COX7B2: variants seen among roughly 807,000 people sequenced by gnomAD.
The protein encoded by COX7B2 is cytochrome c oxidase subunit 7B2, also known as cytochrome c oxidase subunit 7B2, mitochondrial.
For synonymous variants in COX7B2, 37 were observed against 32.1 expected, an observed-to-expected ratio of 1.15 and a Z score of -0.51; for missense variants, 109 against 95.9, an observed-to-expected ratio of 1.14 and a Z score of -0.57.
chr4:46,869,384 T>A (rs1717856771), intron 1 of COX7B2, among the ~76,000 whole-genome samples: 1 of 152,182 alleles, frequency 6.6e-6, no homozygotes, highest in Admixed American at 6.5e-5. Flanking sequence ...AGGTTAGTAT[T>A]GATATGTGTG....
At chr4:46,831,305 A>G (rs1715076506) in intron 2 of COX7B2, among the ~76,000 whole-genome samples, 1 of 152,076 alleles carries the variant, frequency 6.6e-6, no homozygotes, top group Non-Finnish European at 1.5e-5. Context: ...GCAGCCTGCC[A>G]TGCCTGAGTG....
chr4:46,817,740 CAGG>C (rs1719629791), intron 2 of COX7B2, among the ~76,000 whole-genome samples: 1 of 152,016 alleles, frequency 6.6e-6, no homozygotes, highest in African/African-American at 2.4e-5. Flanking sequence ...TAAAGAAAGC[CAGG>C]AGGTGAGGAT....
At chr4:46,858,177 T>A (rs2109793823) in intron 1 of COX7B2, among the ~76,000 whole-genome samples, 1 of 152,264 alleles carries the variant, frequency 6.6e-6, no homozygotes, top group East Asian at 1.9e-4. Context: ...TACTGCAATC[T>A]CCACCTCCCA....
At chr4:46,881,822 A>C (rs891522883) in intron 1 of COX7B2, among the ~76,000 whole-genome samples, 1 of 151,962 alleles carries the variant, frequency 6.6e-6, no homozygotes, top group African/African-American at 2.4e-5. Context: ...TTCCTTTCAC[A>C]GTTGTCTTCT....
At chr4:46,902,713 C>G (rs1720143284) in intron 1 of COX7B2, among the ~76,000 whole-genome samples, 1 of 152,098 alleles carries the variant, frequency 6.6e-6, no homozygotes, top group Admixed American at 6.6e-5. Context: ...CTCGTCTCTA[C>G]TAAAAATACA....
intron 1 of COX7B2, among the ~76,000 whole-genome samples, chr4:46,901,297 C>G (rs1353595575): frequency 6.6e-6 from 1 of 152,182 alleles, no homozygotes; most frequent in African/African-American, 2.4e-5. Flanking sequence ...TTGATTCCCA[C>G]CTCAGCTATG....
intron 1 of COX7B2, among the ~76,000 whole-genome samples, chr4:46,846,408 GT>G (rs560043280): frequency 6.6e-5 from 10 of 151,918 alleles, no homozygotes; most frequent in Non-Finnish European, 1.3e-4. Flanking sequence ...AGGGAGAGCA[GT>G]ATAAAGGACA....
chr4:46,738,871 A>G (rs564938293), intron 2 of COX7B2, among the ~76,000 whole-genome samples: 1 of 152,216 alleles, frequency 6.6e-6, no homozygotes, highest in South Asian at 2.1e-4. Flanking sequence ...TATGTTCTGA[A>G]TAAATATAAA....
chr4:46,754,149 G>A (rs534501518), intron 2 of COX7B2, among the ~76,000 whole-genome samples: 229 of 152,218 alleles, frequency 1.5e-3, no homozygotes, highest in Middle Eastern at 3.4e-3. Flanking sequence ...GTGGAAGTCA[G>A]TGTGGCGATT....
At chr4:46,771,157 G>T (rs1716854201) in intron 2 of COX7B2, among the ~76,000 whole-genome samples, 1 of 152,166 alleles carries the variant, frequency 6.6e-6, no homozygotes, top group Non-Finnish European at 1.5e-5. Flanking sequence ...AAAAGGATCT[G>T]AAAAGACATT....
At chr4:46,867,473 C>T (rs1255745254) in intron 1 of COX7B2, among the ~76,000 whole-genome samples, 1 of 152,216 alleles carries the variant, frequency 6.6e-6, no homozygotes, top group Non-Finnish European at 1.5e-5. Flanking sequence ...AGCATCACGA[C>T]AGTTTACAAG....
At chr4:46,807,327 T>C (rs1050501225) in intron 2 of COX7B2, among the ~76,000 whole-genome samples, 1 of 151,996 alleles carries the variant, frequency 6.6e-6, no homozygotes, top group Admixed American at 6.5e-5. Context: ...AAGTGTCTAT[T>C]CATGTCTTCT....
At chr4:46,833,445 T>G (rs932888469) in intron 2 of COX7B2, among the ~76,000 whole-genome samples, 1 of 152,168 alleles carries the variant, frequency 6.6e-6, no homozygotes, top group African/African-American at 2.4e-5. Context: ...GCAGAACTCA[T>G]AGGAAATATG....
chr4:46,755,081 G>A (rs28773798), intron 2 of COX7B2, among the ~76,000 whole-genome samples: 52,863 of 151,152 alleles, frequency 0.35, 9,422 homozygotes, highest in South Asian at 0.47. Context: ...ATCAAAAAAT[G>A]ATACACAATA....
intron 2 of COX7B2, among the ~76,000 whole-genome samples, chr4:46,770,547 C>T (rs528072923): frequency 1.1e-4 from 16 of 151,998 alleles, no homozygotes; most frequent in African/African-American, 2.7e-4. Flanking sequence ...TTTGACTGGA[C>T]GCATCACACT....
chr4:46,787,128 G>A (rs750761811), intron 2 of COX7B2, among the ~76,000 whole-genome samples: 1 of 152,170 alleles, frequency 6.6e-6, no homozygotes, highest in Non-Finnish European at 1.5e-5. Context: ...TTGGAATAGC[G>A]GTTTAAAGCC....
intron 1 of COX7B2, among the ~76,000 whole-genome samples, chr4:46,859,186 C>T (rs1356290609): frequency 6.6e-6 from 1 of 152,180 alleles, no homozygotes; most frequent in Non-Finnish European, 1.5e-5. Context: ...GTGTCCTCCT[C>T]CTATTGAAGT....
chr4:46,800,105 A>T (rs1718575162), intron 2 of COX7B2, among the ~76,000 whole-genome samples: 1 of 152,172 alleles, frequency 6.6e-6, no homozygotes, highest in African/African-American at 2.4e-5. Flanking sequence ...ATTATAAAAT[A>T]CTGTGGAAAA....
intron 1 of COX7B2, among the ~76,000 whole-genome samples, chr4:46,857,257 C>T (rs1260741473): frequency 4.6e-5 from 7 of 152,162 alleles, no homozygotes; most frequent in Non-Finnish European, 1.0e-4. Flanking sequence ...ACAACACTTA[C>T]CCTATCTGGC....
Sources: allele counts gnomAD v4.1 joint callset (sites outside exome capture counted in the v4.1 genomes callset), GRCh38; gene constraint gnomAD v4.1.1; transcripts MANE v1.5; gene names NCBI Gene and HGNC (gene_info 2026-07-23, HGNC 2026-07-21).